Variants in SLC25A36 observed in about 807,000 individuals in gnomAD.
The protein encoded by SLC25A36 is epididymis secretory sperm binding protein.
Under a neutral mutation model 35.3 loss-of-function variants are expected in SLC25A36, and 24 were observed. That is an observed-to-expected ratio of 0.68 (90% CI 0.49 to 0.96). The LOEUF (loss-of-function observed/expected upper bound fraction) is 0.96. Among genes scored for constraint, SLC25A36 ranks in the 40% least tolerant of loss-of-function variants. The probability of loss-of-function intolerance (pLI) is 0.00; values close to 1 mark genes in which losing one functional copy is unlikely to be tolerated. For missense variants in SLC25A36, 294 were observed against 381.1 expected (o/e 0.77, Z 1.90); for synonymous variants, 141 against 132.2 (o/e 1.07, Z -0.46).
chr3:140,955,844 AC>A (rs1428137013), intron 1 of SLC25A36, among the ~76,000 whole-genome samples: 2 of 151,966 alleles, frequency 1.3e-5, no homozygotes, highest in African/African-American at 4.8e-5. Context: ...TGCATGCCCC[AC>A]CACACCTGGC....
chr3:140,977,777 C>T lies in SLC25A36; in HGVS notation c.*1324C>T, dbSNP rs145484721. 2.6e-5 allele frequency: 4 copies of T among 152,120 alleles called. No homozygotes were observed. In the East Asian group the frequency reaches 7.7e-4, roughly 29 times the overall value. 9.4% of individuals were successfully genotyped at this position (152,120 alleles called of 1,614,324 possible). ...CCATACTGGTGTATAAAAACTGCCG[C>T]AATTGGACGCCGGTGTGGTACTCAT... On this transcript the variant is annotated 3_prime_UTR_variant, in exon 7 of 7. Transcript: ENST00000324194.
intron 4 of SLC25A36, chr3:140,968,786 ACTT>A (rs1934828906): frequency 1.1e-5 from 8 of 711,764 alleles, no homozygotes; most frequent in Non-Finnish European, 1.2e-5. Flanking sequence ...AAAAAAAAAA[ACTT>A]AGGTGCTCAT....
Position 140,976,573 on chromosome 3 carries a change from A to T in SLC25A36, c.*120A>T. On this transcript the variant is annotated 3_prime_UTR_variant, in exon 7 of 7. Transcript: ENST00000324194. The stretch of plus-strand genomic sequence containing the variant: ...AGTTTGGGAACATGTAACTATTCTA[A>T]GTGGAAGTTTTGTTGTAGGAATTAT... 1 of 763,902 alleles carries T rather than the reference A, an allele frequency of 1.3e-6. No homozygotes were observed. Among genetic ancestry groups the T allele is most frequent in the East Asian group, 2.9e-5 (1 of 34,558 alleles). The allele number at this position is 763,902 out of a possible 1,614,324, so 47.3% of individuals were successfully genotyped here. A position where few individuals can be genotyped will look rare whatever the true frequency, so the allele number is the denominator to read the frequency against.
intron 4 of SLC25A36, chr3:140,964,442 T>C (rs1200773175): frequency 6.6e-6 from 1 of 151,916 alleles, no homozygotes; most frequent in Non-Finnish European, 1.5e-5. Context: ...ATGAGTCAAG[T>C]GGTCTACATA....
At chr3:140,942,915 C>A (rs1298671676) in intron 1 of SLC25A36, among the ~76,000 whole-genome samples, 4 of 152,170 alleles carry the variant, frequency 2.6e-5, no homozygotes, top group Admixed American at 1.3e-4. Context: ...CTCTTGAACA[C>A]CGCTTGCTTT....
In SLC25A36 at chr3:140,949,637, G is replaced by A. The variant is rs114534951; in HGVS notation, c.42-6890G>A. Among the ~76,000 whole-genome samples, 84 of 152,242 alleles carry A rather than the reference G, an allele frequency of 5.5e-4. 1 individual carries two copies. The highest frequency in any genetic ancestry group is 6.0e-4 in the Non-Finnish European group (41 of 68,012). ...TATTTCTAATCTGGGTATACCAGGG[G>A]TATAGTGACATTTAACAGTGTTGTT... On this transcript the variant is annotated intron_variant, in intron 1 of 6. Transcript: ENST00000324194.
At chr3:140,949,336 C>T (rs1195111648) in intron 1 of SLC25A36, among the ~76,000 whole-genome samples, 1 of 152,110 alleles carries the variant, frequency 6.6e-6, no homozygotes, top group African/African-American at 2.4e-5. Flanking sequence ...GAGATGTGTC[C>T]ACATTCCAGT....
In SLC25A36 at chr3:140,945,389, GTTC is replaced by G. The variant is rs372157544; in HGVS notation, c.41+3300_41+3302del. ...TTTTTTCCTTCTAAAAATGCATTCC[GTTC>G]TTCTTACTAATAGACTGCAAAACTA... On this transcript the variant is annotated intron_variant, in intron 1 of 6. Coordinates refer to ENST00000324194, the MANE Select transcript of SLC25A36 (RefSeq NM_001104647.3). Among the ~76,000 whole-genome samples, 51 of 152,060 alleles carry G rather than the reference GTTC, an allele frequency of 3.4e-4. No individual in the cohort carries two copies. In the East Asian group the frequency reaches 8.9e-3, roughly 26 times the overall value.
At chr3:140,945,328 T>G (rs1316111580) in intron 1 of SLC25A36, among the ~76,000 whole-genome samples, 1 of 152,198 alleles carries the variant, frequency 6.6e-6, no homozygotes, top group Non-Finnish European at 1.5e-5. Context: ...CTTACTAGTT[T>G]TGGGGGAGAC....
At chr3:140,950,918 CTG>C (rs373375551) in intron 1 of SLC25A36, among the ~76,000 whole-genome samples, 2,692 of 135,870 alleles carry the variant, frequency 0.02, 35 homozygotes, top group South Asian at 0.039. Flanking sequence ...GTCTGTGTGT[CTG>C]TGTGTGTGTG....
At chr3:140,974,516 C>G (rs1049294278) in intron 6 of SLC25A36, among the ~76,000 whole-genome samples, 2 of 152,094 alleles carry the variant, frequency 1.3e-5, no homozygotes, top group African/African-American at 4.8e-5. Flanking sequence ...ATCCCAAAGA[C>G]CAAGCTATTT....
rs10662120 is a variant in SLC25A36 at position 140,975,097 on chromosome 3, C to CTTTTTTTTTTTTTTTTTTT, written c.742+1104_742+1122dup. Among the ~76,000 whole-genome samples, 30 of 55,220 alleles carry CTTTTTTTTTTTTTTTTTTT rather than the reference C, an allele frequency of 5.4e-4. 11 individuals are homozygous for CTTTTTTTTTTTTTTTTTTT. Among genetic ancestry groups the CTTTTTTTTTTTTTTTTTTT allele is most frequent in the South Asian group, 4.5e-3 (4 of 880 alleles). The allele number at this position is 55,220 out of a possible 152,430, so 36.2% of individuals were successfully genotyped here. ...GTACAGTTGATAAACAAGATACATT[C>CTTTTTTTTTTTTTTTTTTT]TTTTTTTTTTTTTTTTTTTTTTTTT... On this transcript the variant is annotated intron_variant, in intron 6 of 6. Coordinates refer to ENST00000324194, the MANE Select transcript of SLC25A36 (RefSeq NM_001104647.3).
At chr3:140,946,497 G>A (rs891861693) in intron 1 of SLC25A36, among the ~76,000 whole-genome samples, 2 of 152,210 alleles carry the variant, frequency 1.3e-5, no homozygotes, top group African/African-American at 4.8e-5. Context: ...CAGAAGTAGG[G>A]AGTTGATCAG....
chr3:140,969,255 T>C (rs888467949), intron 4 of SLC25A36, among the ~76,000 whole-genome samples: 3 of 151,858 alleles, frequency 2.0e-5, no homozygotes, highest in Admixed American at 6.6e-5. Flanking sequence ...TAAACTGGTC[T>C]GATAGTTTCA....
intron 4 of SLC25A36, chr3:140,964,364 A>G (rs1934707826): frequency 6.6e-6 from 1 of 151,924 alleles, no homozygotes; most frequent in South Asian, 2.1e-4. Flanking sequence ...AAATACAATC[A>G]TTTACCAATA....
chr3:140,950,084 T>A (rs1346088919), intron 1 of SLC25A36, among the ~76,000 whole-genome samples: 1 of 152,196 alleles, frequency 6.6e-6, no homozygotes, highest in Non-Finnish European at 1.5e-5. Flanking sequence ...TTGTTTCCTT[T>A]TTCTTTACAT....
intron 3 of SLC25A36, among the ~76,000 whole-genome samples, chr3:140,961,855 CAAAAAAAA>C (rs553759457): frequency 9.2e-4 from 33 of 35,842 alleles, no homozygotes; most frequent in South Asian, 5.5e-3. Flanking sequence ...GGCTCCGTCT[CAAAAAAAA>C]AAAAAAAAAA....
chr3:140,972,951 G>C (rs1934943796), intron 5 of SLC25A36: 1 of 152,152 alleles, frequency 6.6e-6, no homozygotes, highest in Non-Finnish European at 1.5e-5. Flanking sequence ...ATAAGGACCT[G>C]TTGGGGGAAT....
At chr3:140,963,047 T>C in intron 3 of SLC25A36, 80 bp from the exon 4 acceptor site, 1 of 878,020 alleles carries the variant, frequency 1.1e-6, no homozygotes, top group East Asian at 2.9e-5. Flanking sequence ...TTCTCCATTC[T>C]AAAATTATGA....
Sources: allele counts gnomAD v4.1 joint callset (sites outside exome capture counted in the v4.1 genomes callset), GRCh38; gene constraint gnomAD v4.1.1; transcripts MANE v1.5; gene names NCBI Gene and HGNC (gene_info 2026-07-23, HGNC 2026-07-21).